The following TAB3 variants were observed in gnomAD, a reference collection of about 807,000 sequenced individuals.
TAB3 encodes the protein TGF-beta activated kinase 1 (MAP3K7) binding protein 3.
A neutral mutation model predicts 48.1 loss-of-function variants in TAB3; 18 were observed. The ratio of observed to expected loss-of-function variants is 0.37; its 90% CI spans 0.26 to 0.55. The LOEUF is 0.55. Among genes scored for constraint, TAB3 ranks in the 20% least tolerant of loss-of-function variants. TAB3 has a pLI of 0.78. For missense variants in TAB3, 414 were observed against 549.8 expected (o/e 0.75, Z 2.47); for synonymous variants, 185 against 190.2 (o/e 0.97, Z 0.22).
chrX:30,862,774 T>C (rs369358528), intron 4 of TAB3, among the ~76,000 whole-genome samples: 2 of 111,879 alleles, frequency 1.8e-5, no homozygotes, highest in South Asian at 3.7e-4. Flanking sequence ...TGCTCCAAAG[T>C]CTGTGTTCTT....
intron 9 of TAB3, chrX:30,836,404 AACAGCAAG>A (rs1938215790): frequency 1.8e-5 from 2 of 111,480 alleles, no homozygotes; most frequent in African/African-American, 6.5e-5. Context: ...TTCCCTGTGT[AACAGCAAG>A]CATCTATCTA....
chrX:30,830,920 C>CCG lies in TAB3; in HGVS notation c.*506_*507insCG, dbSNP rs200299443. The CCG allele has an allele frequency of 3.6e-5, 3 of 83,379 alleles. No individual in the cohort carries two copies. Among genetic ancestry groups the CCG allele is most frequent in the Admixed American group, 1.4e-4 (1 of 7,373 alleles). The allele number at this position is 83,379 out of a possible 1,213,427, so 6.9% of individuals were successfully genotyped here. The stretch of plus-strand genomic sequence containing the variant: ...ATACCCTTAATTAATTTGCCCCCCC[C>CCG]CCCCAAATATTCTAGGTGCTTTTTC... On this transcript the variant is annotated 3_prime_UTR_variant, in exon 11 of 11. Coordinates refer to ENST00000288422, the MANE Select transcript of TAB3 (RefSeq NM_152787.5).
chrX:30,832,974 T>C (rs1053188610), intron 10 of TAB3, among the ~76,000 whole-genome samples: 1 of 83,868 alleles, frequency 1.2e-5, no homozygotes, highest in African/African-American at 7.8e-5. Flanking sequence ...TCTTTCTTTC[T>C]TTTTTTTTTT....
At chrX:30,884,080 C>G (rs1192096819) in intron 1 of TAB3, among the ~76,000 whole-genome samples, 4 of 111,542 alleles carry the variant, frequency 3.6e-5, no homozygotes, top group Non-Finnish European at 7.5e-5. Flanking sequence ...ATTTCCTGCA[C>G]TATGGCCAAT....
intron 1 of TAB3, among the ~76,000 whole-genome samples, chrX:30,879,373 C>G (rs187575759): frequency 8.9e-5 from 10 of 112,108 alleles, no homozygotes; most frequent in African/African-American, 3.2e-4. Flanking sequence ...ATCCCACTCA[C>G]GAACAAAGAT....
chrX:30,859,559 A>C lies in TAB3; in HGVS notation c.30T>G (p.Ile10Met). MAQSSPQLDIQVLHDLRQRF... is the reference protein window; with the variant it reads MAQSSPQLDMQVLHDLRQRF... ...GTTGTCGAAGATCATGGAGAACCTG[A>C]ATATCAAGCTGTGGGCTGCTTTGCG... is the stretch of plus-strand genomic sequence containing the variant. Residue 10 changes from isoleucine (I) to methionine (M), a missense_variant, in exon 5 of 11, where the codon ATT becomes ATG. Coordinates refer to ENST00000288422, the MANE Select transcript of TAB3 (RefSeq NM_152787.5). 8.3e-7 allele frequency: 1 copy of C among 1,210,039 alleles called. No individual in the cohort carries two copies. The highest frequency in any genetic ancestry group is 1.1e-6 in the Non-Finnish European group (1 of 894,739).
chrX:30,845,457 A>G (rs1938594681), intron 8 of TAB3: 1 of 112,094 alleles, frequency 8.9e-6, no homozygotes, highest in African/African-American at 3.2e-5. Flanking sequence ...CAAGGGCCAG[A>G]TAATATTTTA....
chrX:30,840,810 G>T, intron 9 of TAB3, among the ~76,000 whole-genome samples: 1 of 111,556 alleles, frequency 9.0e-6, no homozygotes. Context: ...CATGATGCAC[G>T]TGTTTTCCAC....
In TAB3 at chrX:30,854,750, G is replaced by T. The variant is rs1024866615; in HGVS notation, c.915C>A (p.Ser305Arg). 6 of 1,209,487 alleles carry T rather than the reference G, an allele frequency of 5.0e-6. No individual in the cohort carries two copies. The highest frequency in any genetic ancestry group is 6.7e-6 in the Non-Finnish European group (6 of 895,107). The change falls in exon 6 of 11, where the codon AGC becomes AGA. Residue 305 changes from serine (S) to arginine (R), a missense_variant. Physicochemically the swap from Ser to Arg is moderately radical, Grantham distance 110. Transcript: ENST00000288422. ...AAGGTTGCACTTGATGCTGTGGAGA[G>T]CTGAAGGGTGAAGGACATTGAGAAG... ...PPPSQCPSPF[S>R]SPQHQVQPSQ...
At chrX:30,841,992 A>G (rs1938462180) in intron 9 of TAB3, among the ~76,000 whole-genome samples, 1 of 112,212 alleles carries the variant, frequency 8.9e-6, no homozygotes, top group African/African-American at 3.2e-5. Context: ...TATTTTTAGT[A>G]GAGACGGGGT....
At chrX:30,834,581 C>T (rs1277443154) in intron 9 of TAB3, 1 of 113,628 alleles carries the variant, frequency 8.8e-6, no homozygotes, top group Non-Finnish European at 1.8e-5. Flanking sequence ...AAGGCTATTA[C>T]AATGATGAAA....
At chrX:30,863,140 C>T (rs762990305) in intron 4 of TAB3, among the ~76,000 whole-genome samples, 6 of 112,028 alleles carry the variant, frequency 5.4e-5, no homozygotes, top group Non-Finnish European at 9.4e-5. Context: ...AACTGGTAAA[C>T]ACATATCCTT....
In TAB3 at chrX:30,852,684, G is replaced by A. The variant is rs1260330927; in HGVS notation, c.1710+94C>T. On this transcript the variant is annotated intron_variant, in intron 7 of 10. Coordinates refer to ENST00000288422, the MANE Select transcript of TAB3 (RefSeq NM_152787.5). ...ACAATAACAACAACAACAAAAAACC[G>A]GAACTCTGCCAGGAATAAAGCCTAA... 2.2e-5 allele frequency: 21 copies of A among 935,026 alleles called. No homozygotes were observed. The South Asian group carries it at 4.2e-4, about 19-fold the overall frequency. The allele number at this position is 935,026 out of a possible 1,213,427, so 77.1% of individuals were successfully genotyped here.
chrX:30,859,402 A>T, intron 5 of TAB3, 85 bp downstream of exon 5: 1 of 696,847 alleles, frequency 1.4e-6, no homozygotes, highest in Non-Finnish European at 2.2e-6. Flanking sequence ...AAGAAAACAT[A>T]CCTGGGTTCT....
rs773141644 is a variant in TAB3, at chrX:30,829,966, C to G, written c.*1461G>C. The G allele has an allele frequency of 1.1e-4, 12 of 110,674 alleles. No homozygotes were observed. Among genetic ancestry groups the G allele is most frequent in the Non-Finnish European group, 2.3e-4 (12 of 52,936 alleles). 9.1% of individuals were successfully genotyped at this position (110,674 alleles called of 1,213,427 possible). A position where few individuals can be genotyped will look rare whatever the true frequency, so the allele number is the denominator to read the frequency against. The stretch of plus-strand genomic sequence containing the variant: ...CCTACTAACTTTATTGCTGTTTATA[C>G]TCACCAAAATGAGGGGAAGATTCCA... On this transcript the variant is annotated 3_prime_UTR_variant, in exon 11 of 11. Coordinates refer to ENST00000288422, the MANE Select transcript of TAB3 (RefSeq NM_152787.5).
At position 30,831,104 on chromosome X, in the gene TAB3, C is replaced by T. The variant is rs1419770959; in HGVS notation, c.*323G>A. Reference sequence around the variant, plus strand: ...AAGTACTACTTTAAAAAATAAGGGCCACTCAGCAGTAACTTTAACAATTGG... The same window carrying T: ...AAGTACTACTTTAAAAAATAAGGGCTACTCAGCAGTAACTTTAACAATTGG... On this transcript the variant is annotated 3_prime_UTR_variant, in exon 11 of 11. Coordinates refer to ENST00000288422, the MANE Select transcript of TAB3 (RefSeq NM_152787.5). 5.3e-6 allele frequency: 1 copy of T among 187,682 alleles called. No individual in the cohort carries two copies. The highest frequency in any genetic ancestry group is 3.0e-5 in the African/African-American group (1 of 33,247). 15.5% of individuals were successfully genotyped at this position (187,682 alleles called of 1,213,427 possible). A position where few individuals can be genotyped will look rare whatever the true frequency, so the allele number is the denominator to read the frequency against.
rs748453561 is a variant in TAB3 at position 30,880,586 on chromosome X, CA to C, written c.-383+8527del. 3.4e-3 allele frequency among the ~76,000 whole-genome samples: 381 copies of C among 111,326 alleles called. 1 individual carries two copies. The highest frequency in any genetic ancestry group is 6.3e-3 in the Non-Finnish European group (334 of 52,862). On this transcript the variant is annotated intron_variant, in intron 1 of 10. Transcript: ENST00000288422. ...CTTGGAGGTAATCTTATGAGAATAC[CA>C]TGAAATAGAAAAAGCATGCCACACA...
rs749759029 is a variant in TAB3, at chrX:30,846,628, C to G, written c.1727G>C (p.Arg576Thr). The G allele has an allele frequency of 8.4e-7, 1 of 1,196,232 alleles. No homozygotes were observed. The highest frequency in any genetic ancestry group is 1.1e-6 in the Non-Finnish European group (1 of 885,449). ...TAIPTPEEMT[R>T]LRSMNRQLQI... Reference sequence around the variant, plus strand: ...GAGTTGTCTGTTCATGCTTCTCAATCTTGTCATTTCCTCAGGCTAGTAAGA... The same window carrying G: ...GAGTTGTCTGTTCATGCTTCTCAATGTTGTCATTTCCTCAGGCTAGTAAGA... Residue 576 changes from arginine (R) to threonine (T), a missense_variant, in exon 8 of 11, where the codon AGA (arginine) becomes ACA (threonine). Physicochemically the swap from Arg to Thr is moderately conservative, Grantham distance 71 (BLOSUM62 -1). Transcript: ENST00000288422.
intron 1 of TAB3, among the ~76,000 whole-genome samples, chrX:30,877,276 TCAGA>T (rs765815692): frequency 1.6e-3 from 184 of 111,581 alleles, no homozygotes; most frequent in Non-Finnish European, 2.8e-3. Flanking sequence ...AAATACAGGC[TCAGA>T]CAAATAAAAA....
Sources: gnomAD v4.1 joint callset for allele counts (sites outside exome capture counted in the v4.1 genomes callset) on GRCh38, gnomAD v4.1.1 for gene constraint, MANE v1.5 for transcripts, NCBI Gene and HGNC (gene_info 2026-07-23, HGNC 2026-07-21) for gene names.